The following UEVLD variants were observed in gnomAD, a reference collection of about 807,000 sequenced individuals.
UEVLD encodes the protein UEV and lactate/malate dehyrogenase domains, also known as ubiquitin-conjugating enzyme E2 variant 3.
A neutral mutation model predicts 58.6 loss-of-function variants in UEVLD; 47 were observed. That is an observed-to-expected ratio of 0.80 (90% CI 0.63 to 1.02). The LOEUF (loss-of-function observed/expected upper bound fraction) is 1.02. UEVLD is among the 50% of genes least tolerant of loss of function. UEVLD has a pLI of 0.00. For synonymous variants in UEVLD, 197 were observed against 195.3 expected (o/e 1.01, Z -0.07); for missense variants, 510 against 550.6 (o/e 0.93, Z 0.74).
At chr11:18,559,347 C>T (rs1028099845) in intron 6 of UEVLD, among the ~76,000 whole-genome samples, 5 of 152,070 alleles carry the variant, frequency 3.3e-5, no homozygotes, top group Admixed American at 6.6e-5. Flanking sequence ...TACAGGCGTG[C>T]ACCACCTCAC....
intron 11 of UEVLD, among the ~76,000 whole-genome samples, chr11:18,532,755 C>G (rs144104723): frequency 2.2e-4 from 33 of 152,076 alleles, no homozygotes; most frequent in African/African-American, 7.2e-4. Flanking sequence ...GCAAGCTAGC[C>G]CCCCCTGCAA....
chr11:18,571,959 A>C (rs534542854), intron 3 of UEVLD, among the ~76,000 whole-genome samples: 28 of 152,174 alleles, frequency 1.8e-4, no homozygotes, highest in Middle Eastern at 3.2e-3. Context: ...AGAACAGCCC[A>C]GGAGTGATGG....
At chr11:18,564,812 A>AT (rs903158508) in intron 6 of UEVLD, 80 bp downstream of exon 6, 2 of 980,374 alleles carry the variant, frequency 2.0e-6, no homozygotes, top group Non-Finnish European at 3.0e-6. Flanking sequence ...AAATGAAGGC[A>AT]TTTTTTGGTG....
At chr11:18,570,132 T>C (rs1447771790) in intron 4 of UEVLD, 82 bp downstream of exon 4, 3 of 1,348,776 alleles carry the variant, frequency 2.2e-6, no homozygotes, top group Non-Finnish European at 3.0e-6. Flanking sequence ...TGCAGTATCA[T>C]ACTTATTTGT....
At chr11:18,562,495 T>G (rs1852087791) in intron 6 of UEVLD, among the ~76,000 whole-genome samples, 1 of 151,304 alleles carries the variant, frequency 6.6e-6, no homozygotes, top group African/African-American at 2.4e-5. Context: ...TGAGCTGAGA[T>G]CATGCTACTG....
chr11:18,570,495 C>CAA, intron 3 of UEVLD, 118 bp from the exon 4 acceptor site: 1 of 996,600 alleles, frequency 1.0e-6, no homozygotes, highest in Non-Finnish European at 1.4e-6. Flanking sequence ...CCTGTAATCC[C>CAA]AGCACTTTGG....
chr11:18,571,694 T>C (rs1852619080), intron 3 of UEVLD, among the ~76,000 whole-genome samples: 1 of 152,160 alleles, frequency 6.6e-6, no homozygotes, highest in Non-Finnish European at 1.5e-5. Context: ...TAAACAAAGT[T>C]TAGATAGGTG....
At position 18,544,807 on chromosome 11, in the gene UEVLD, C is replaced by G. The variant is rs369543328; in HGVS notation, c.887-11G>C. On this transcript the variant is annotated splice_polypyrimidine_tract_variant and intron_variant, in intron 8 of 11. Transcript: ENST00000396197. ...AGGTCATGATTTCCACTAAATATTG[C>G]ATACAAGGTAAAAAATGTAAAGGTT... The G allele has an allele frequency of 1.8e-5, 27 of 1,509,278 alleles. No homozygotes were observed. In the African/African-American group the frequency reaches 3.9e-4, roughly 22 times the overall value. 93.5% of individuals were successfully genotyped at this position (1,509,278 alleles called of 1,614,324 possible). A position where few individuals can be genotyped will look rare whatever the true frequency, so the allele number is the denominator to read the frequency against.
intron 1 of UEVLD, chr11:18,587,763 A>T (rs1359833249): frequency 6.6e-6 from 1 of 151,962 alleles, no homozygotes; most frequent in Non-Finnish European, 1.5e-5. Context: ...AGATCGCACC[A>T]CTGCACTCCA....
rs530408386 is a variant in UEVLD at position 18,578,445 on chromosome 11, G to C, written c.127+279C>G. Among the ~76,000 whole-genome samples, 15 of 152,314 alleles carry C rather than the reference G, an allele frequency of 9.8e-5. No individual in the cohort carries two copies. The South Asian group carries it at 2.7e-3, about 27-fold the overall frequency. On this transcript the variant is annotated intron_variant, in intron 2 of 11. Transcript: ENST00000396197. Reference sequence around the variant, plus strand: ...CCTCTAGTTTACTTTCTAAGCTATAGAAATTTGTGGTGGACTTCTTGCCTA... The same window carrying C: ...CCTCTAGTTTACTTTCTAAGCTATACAAATTTGTGGTGGACTTCTTGCCTA...
At chr11:18,586,861 G>A (rs897459459) in intron 1 of UEVLD, among the ~76,000 whole-genome samples, 1 of 151,322 alleles carries the variant, frequency 6.6e-6, no homozygotes, top group African/African-American at 2.4e-5. Flanking sequence ...AAACCTCGTC[G>A]CTACTAAAAA....
rs1299577331 is a variant in UEVLD at position 18,547,009 on chromosome 11, C to T, written c.757G>A (p.Val253Ile). ...GACTGAGAACTACCCAAAGAGTTGA[C>T]TGTGAAGATCACCACCTTGGAATGA... ...SAHSKVVIFT[V>I]NSLGSSQSYL... Residue 253 changes from valine (V) to isoleucine (I), a missense_variant, in exon 8 of 12, where the codon GTC (valine) becomes ATC (isoleucine). Physicochemically the swap from Val to Ile is conservative, Grantham distance 29. Coordinates refer to ENST00000396197, the MANE Select transcript of UEVLD (RefSeq NM_001040697.4). 20 of 1,613,888 alleles carry T rather than the reference C, an allele frequency of 1.2e-5. No homozygotes were observed. Among genetic ancestry groups the T allele is most frequent in the Non-Finnish European group, 1.5e-5 (18 of 1,180,006 alleles).
At chr11:18,570,943 A>T (rs1852577646) in intron 3 of UEVLD, among the ~76,000 whole-genome samples, 1 of 151,252 alleles carries the variant, frequency 6.6e-6, no homozygotes, top group African/African-American at 2.4e-5. Flanking sequence ...GCCTCTCAAA[A>T]AAAAAAAAAA....
chr11:18,533,707 G>A (rs1385223950), intron 11 of UEVLD, among the ~76,000 whole-genome samples: 1 of 152,128 alleles, frequency 6.6e-6, no homozygotes, highest in Non-Finnish European at 1.5e-5. Flanking sequence ...TTGTTTGTTT[G>A]TTTTCGAGAC....
intron 3 of UEVLD, among the ~76,000 whole-genome samples, chr11:18,573,924 G>A (rs1480331793): frequency 3.9e-5 from 6 of 151,924 alleles, no homozygotes; most frequent in East Asian, 1.9e-4. Context: ...TCAAAGTTAC[G>A]CTGTTCTCTC....
intron 7 of UEVLD, among the ~76,000 whole-genome samples, chr11:18,555,366 C>T (rs1218930188): frequency 1.3e-5 from 2 of 151,390 alleles, no homozygotes; most frequent in African/African-American, 2.4e-5. Context: ...GTGGAGCTTG[C>T]AGTGAGCCGA....
chr11:18,538,241 G>A (rs944209858), intron 9 of UEVLD, among the ~76,000 whole-genome samples: 1 of 151,978 alleles, frequency 6.6e-6, no homozygotes, highest in Non-Finnish European at 1.5e-5. Flanking sequence ...CAGAGTGCAG[G>A]GACCATGTAT....
chr11:18,538,252 T>C (rs1187718982), intron 9 of UEVLD, among the ~76,000 whole-genome samples: 1 of 152,062 alleles, frequency 6.6e-6, no homozygotes, highest in Non-Finnish European at 1.5e-5. Context: ...GACCATGTAT[T>C]ATTCTTTTGT....
chr11:18,571,101 C>A (rs937627650), intron 3 of UEVLD, among the ~76,000 whole-genome samples: 2 of 151,934 alleles, frequency 1.3e-5, no homozygotes, highest in Non-Finnish European at 2.9e-5. Flanking sequence ...ACCTGTAATC[C>A]CAGCACTTTC....
Sources: allele counts gnomAD v4.1 joint callset (sites outside exome capture counted in the v4.1 genomes callset), GRCh38; gene constraint gnomAD v4.1.1; transcripts MANE v1.5; gene names NCBI Gene and HGNC (gene_info 2026-07-23, HGNC 2026-07-21).